Variants in XIRP2 observed in about 807,000 individuals in gnomAD.
XIRP2 encodes xin actin-binding repeat-containing protein 2.
Under a neutral mutation model 277.0 loss-of-function variants are expected in XIRP2, and 236 were observed. The ratio of observed to expected loss-of-function variants is 0.85; its 90% CI spans 0.77 to 0.95. The LOEUF (loss-of-function observed/expected upper bound fraction) is 0.95. XIRP2 is among the 40% of genes least tolerant of loss of function. The pLI, the probability that XIRP2 is intolerant of heterozygous loss-of-function variation, is 0.00. For missense variants in XIRP2, 4,640 were observed against 4,157.5 expected (o/e 1.12, Z -3.19); for synonymous variants, 1,490 against 1,416.5 (o/e 1.05, Z -1.17).
In XIRP2 at chr2:167,248,547, G is replaced by T. The variant is rs187679773; in HGVS notation, c.7155G>T (p.Pro2385=). Residue 2385 remains proline, a synonymous_variant, in exon 9 of 11, where the codon CCG becomes CCT. Coordinates refer to ENST00000409195, the MANE Select transcript of XIRP2 (RefSeq NM_152381.6). ...CACATCTCCTTTCCTCCTCTGCTCC[G>T]GAAAAGCACAGTGGAGACTTCATGC... ...KPAHLLSSSA[P]EKHSGDFMQQ... is the part of the protein sequence containing the mutation. 33 of 1,613,524 alleles carry T rather than the reference G, an allele frequency of 2.0e-5. No individual in the cohort carries two copies. The highest frequency in any genetic ancestry group is 2.8e-5 in the Non-Finnish European group (33 of 1,179,756).
At chr2:167,190,112 G>T (rs140575267) in intron 3 of XIRP2, among the ~76,000 whole-genome samples, 42 of 152,322 alleles carry the variant, frequency 2.8e-4, no homozygotes, top group Non-Finnish European at 5.6e-4. Flanking sequence ...GAAGCACACA[G>T]CTTCCTTGCT....
At chr2:166,952,743 T>C (rs1255443929) in intron 2 of XIRP2, among the ~76,000 whole-genome samples, 1 of 151,994 alleles carries the variant, frequency 6.6e-6, no homozygotes, top group Admixed American at 6.6e-5. Flanking sequence ...CAGACTTCAT[T>C]GGTTCTAAAA....
chr2:167,180,885 G>A (rs1280653010), intron 3 of XIRP2, among the ~76,000 whole-genome samples: 1 of 152,086 alleles, frequency 6.6e-6, no homozygotes, highest in East Asian at 1.9e-4. Flanking sequence ...TTCTCCCATT[G>A]ATTTTTCTTT....
intron 5 of XIRP2, among the ~76,000 whole-genome samples, chr2:167,232,925 A>G (rs996237257): frequency 2.0e-5 from 3 of 151,956 alleles, no homozygotes; most frequent in Non-Finnish European, 4.4e-5. Flanking sequence ...GGCACGAAAG[A>G]TTCAATTATG....
intron 1 of XIRP2, among the ~76,000 whole-genome samples, chr2:166,894,890 A>G (rs1229608799): frequency 6.6e-6 from 1 of 152,180 alleles, no homozygotes; most frequent in South Asian, 2.1e-4. Context: ...ATAGTGAGCT[A>G]TATCATCTTT....
At chr2:167,060,886 T>C (rs1689157627) in intron 2 of XIRP2, among the ~76,000 whole-genome samples, 1 of 152,168 alleles carries the variant, frequency 6.6e-6, no homozygotes, top group African/African-American at 2.4e-5. Flanking sequence ...TTGTTAGAAT[T>C]ACTTTTTGAA....
intron 2 of XIRP2, among the ~76,000 whole-genome samples, chr2:166,921,717 T>C (rs1400324758): frequency 6.6e-6 from 1 of 152,136 alleles, no homozygotes. Flanking sequence ...ATGAGCTGGC[T>C]CCTTTCAGTG....
intron 10 of XIRP2, 137 bp from the exon 11 acceptor site, chr2:167,257,720 T>A: frequency 1.3e-6 from 1 of 763,472 alleles, no homozygotes; most frequent in South Asian, 2.0e-5. Context: ...CTAACAGAAA[T>A]GTTCAACTAA....
chr2:167,199,033 C>A (rs1693603009), intron 3 of XIRP2, among the ~76,000 whole-genome samples: 1 of 152,092 alleles, frequency 6.6e-6, no homozygotes, highest in Non-Finnish European at 1.5e-5. Flanking sequence ...ATTATTCAAA[C>A]AAGAAGTGTG....
intron 2 of XIRP2, among the ~76,000 whole-genome samples, chr2:167,099,166 G>A (rs1000380672): frequency 2.0e-5 from 3 of 152,152 alleles, no homozygotes; most frequent in Non-Finnish European, 4.4e-5. Context: ...ATAAGCTCCT[G>A]ACTGGGGCTG....
intron 2 of XIRP2, among the ~76,000 whole-genome samples, chr2:166,946,392 A>T (rs926530613): frequency 1.3e-5 from 2 of 152,180 alleles, no homozygotes; most frequent in Non-Finnish European, 2.9e-5. Flanking sequence ...TCTCACCCAG[A>T]CAAGGAGAAT....
At chr2:166,933,041 A>G (rs1685390486) in intron 2 of XIRP2, among the ~76,000 whole-genome samples, 1 of 151,706 alleles carries the variant, frequency 6.6e-6, no homozygotes, top group Non-Finnish European at 1.5e-5. Context: ...GTTTGCATTT[A>G]ACTTTATAAA....
At chr2:167,052,410 G>C (rs1294432899) in intron 2 of XIRP2, among the ~76,000 whole-genome samples, 1 of 151,998 alleles carries the variant, frequency 6.6e-6, no homozygotes, top group Non-Finnish European at 1.5e-5. Flanking sequence ...TGATAGCATA[G>C]TAGACATGGT....
At chr2:167,229,052 T>C (rs1694684108) in intron 5 of XIRP2, among the ~76,000 whole-genome samples, 1 of 152,226 alleles carries the variant, frequency 6.6e-6, no homozygotes, top group African/African-American at 2.4e-5. Context: ...CTAGACCCTT[T>C]CCCCCAAAGA....
intron 2 of XIRP2, among the ~76,000 whole-genome samples, chr2:166,917,877 A>G (rs1684931903): frequency 6.6e-6 from 1 of 152,206 alleles, no homozygotes; most frequent in South Asian, 2.1e-4. Flanking sequence ...GAATTAATTT[A>G]ACAAATACCG....
At chr2:167,020,999 T>C (rs1687966479) in intron 2 of XIRP2, among the ~76,000 whole-genome samples, 1 of 152,106 alleles carries the variant, frequency 6.6e-6, no homozygotes, top group African/African-American at 2.4e-5. Flanking sequence ...GTGTTCCACA[T>C]AAATGGCTGT....
chr2:166,970,133 T>A (rs1398766823), intron 2 of XIRP2, among the ~76,000 whole-genome samples: 6 of 152,044 alleles, frequency 3.9e-5, no homozygotes, highest in Non-Finnish European at 8.8e-5. Flanking sequence ...TTGAAGAGCA[T>A]CTACATTTTA....
chr2:167,123,087 A>G (rs1169135221), intron 2 of XIRP2, among the ~76,000 whole-genome samples: 1 of 152,134 alleles, frequency 6.6e-6, no homozygotes, highest in East Asian at 1.9e-4. Flanking sequence ...AATGTATCTC[A>G]TTTTGATCGG....
At chr2:167,229,424 G>C (rs556219320) in intron 5 of XIRP2, among the ~76,000 whole-genome samples, 1 of 152,030 alleles carries the variant, frequency 6.6e-6, no homozygotes, top group African/African-American at 2.4e-5. Flanking sequence ...GATTTTGCTA[G>C]TTTGTCAGTA....
Sources: allele counts gnomAD v4.1 joint callset (sites outside exome capture counted in the v4.1 genomes callset), GRCh38; gene constraint gnomAD v4.1.1; transcripts MANE v1.5; gene names NCBI Gene and HGNC (gene_info 2026-07-23, HGNC 2026-07-21).